CSMD1: variants seen among roughly 807,000 people sequenced by gnomAD.
CSMD1 encodes the protein CUB and sushi domain-containing protein 1.
In CSMD1, 213 loss-of-function variants were observed where a neutral mutation model predicts 417.5. The ratio of observed to expected loss-of-function variants is 0.51; its 90% CI spans 0.46 to 0.57. The LOEUF (loss-of-function observed/expected upper bound fraction) is 0.57. CSMD1 is among the 20% of genes least tolerant of loss of function. The pLI is 0.00. For missense variants in CSMD1, 6,923 were observed against 4,529.7 expected (o/e 1.53, Z -15.17); for synonymous variants, 2,862 against 1,736.8 (o/e 1.65, Z -16.11).
chr8:4,866,360 A>T (rs771816362), intron 1 of CSMD1, among the ~76,000 whole-genome samples: 1 of 151,978 alleles, frequency 6.6e-6, no homozygotes, highest in Non-Finnish European at 1.5e-5. Flanking sequence ...CAAAAATAAC[A>T]ACTACTGTCT....
At chr8:3,086,028 T>C (rs1356145509) in intron 49 of CSMD1, among the ~76,000 whole-genome samples, 1 of 152,150 alleles carries the variant, frequency 6.6e-6, no homozygotes, top group African/African-American at 2.4e-5. Flanking sequence ...TGTGGTTCTG[T>C]CATTAGCCAG....
chr8:4,925,417 T>C (rs1474952110), intron 1 of CSMD1, among the ~76,000 whole-genome samples: 1 of 152,054 alleles, frequency 6.6e-6, no homozygotes, highest in Non-Finnish European at 1.5e-5. Context: ...ATCTAAAATA[T>C]ACCTTTCCTA....
At chr8:4,298,421 G>A (rs535252588) in intron 3 of CSMD1, among the ~76,000 whole-genome samples, 47 of 152,106 alleles carry the variant, frequency 3.1e-4, no homozygotes, top group Non-Finnish European at 6.0e-4. Flanking sequence ...ACACTAGACT[G>A]TTATACAAAG....
At chr8:4,063,096 C>T (rs1563073351) in intron 3 of CSMD1, among the ~76,000 whole-genome samples, 1 of 152,060 alleles carries the variant, frequency 6.6e-6, no homozygotes, top group Non-Finnish European at 1.5e-5. Flanking sequence ...TGTTTGATAG[C>T]ACTGTAAGTT....
chr8:4,961,312 C>A (rs1055997320), intron 1 of CSMD1, among the ~76,000 whole-genome samples: 2 of 152,094 alleles, frequency 1.3e-5, no homozygotes, highest in South Asian at 4.1e-4. Flanking sequence ...ATTATTCCAC[C>A]GAAGACCTCA....
chr8:4,097,165 C>T lies in CSMD1; in HGVS notation c.416-65066G>A, dbSNP rs1198295637. Among the ~76,000 whole-genome samples, 4 of 152,076 alleles carry T rather than the reference C, an allele frequency of 2.6e-5. No individual in the cohort carries two copies. In the South Asian group the frequency reaches 8.3e-4, roughly 32 times the overall value. On this transcript the variant is annotated intron_variant, in intron 3 of 69. Coordinates refer to ENST00000635120, the MANE Select transcript of CSMD1 (RefSeq NM_033225.6). ...GTTCATTTCTTTCTGTCATGCTTAC[C>T]ATTATATATGCTCAATAAGCAATTG...
At chr8:4,092,330 G>A (rs1438848193) in intron 3 of CSMD1, among the ~76,000 whole-genome samples, 3 of 152,186 alleles carry the variant, frequency 2.0e-5, no homozygotes, top group Admixed American at 2.0e-4. Context: ...TCCTGTGTCT[G>A]ATGCTCCAGG....
intron 2 of CSMD1, among the ~76,000 whole-genome samples, chr8:4,609,958 C>T (rs1307786385): frequency 1.3e-5 from 2 of 152,044 alleles, no homozygotes; most frequent in Non-Finnish European, 2.9e-5. Flanking sequence ...TATTAAACTA[C>T]CTAATTGGTA....
intron 55 of CSMD1, among the ~76,000 whole-genome samples, chr8:2,975,292 T>C (rs1015632235): frequency 3.9e-5 from 6 of 152,192 alleles, no homozygotes; most frequent in African/African-American, 1.4e-4. Flanking sequence ...AGGCAAACTC[T>C]GTAATCCAGA....
chr8:3,909,452 G>A (rs1007945323), intron 5 of CSMD1, among the ~76,000 whole-genome samples: 2 of 152,086 alleles, frequency 1.3e-5, no homozygotes, highest in Non-Finnish European at 2.9e-5. Flanking sequence ...CAGAACACAC[G>A]GCGTGCTCCT....
At chr8:4,199,564 C>A (rs938447279) in intron 3 of CSMD1, among the ~76,000 whole-genome samples, 1 of 152,154 alleles carries the variant, frequency 6.6e-6, no homozygotes, top group Non-Finnish European at 1.5e-5. Context: ...ACCAAAGGAG[C>A]TACCGGACAA....
chr8:3,070,694 G>T (rs972875567), intron 49 of CSMD1, among the ~76,000 whole-genome samples: 1 of 152,162 alleles, frequency 6.6e-6, no homozygotes, highest in Non-Finnish European at 1.5e-5. Context: ...TATTTACCCA[G>T]TCTCTAAGAA....
At chr8:3,966,907 G>C (rs750661550) in intron 5 of CSMD1, among the ~76,000 whole-genome samples, 1 of 152,196 alleles carries the variant, frequency 6.6e-6, no homozygotes, top group South Asian at 2.1e-4. Context: ...TGACTTGAAT[G>C]CCGATGAATT....
chr8:4,264,695 G>A (rs948365186), intron 3 of CSMD1, among the ~76,000 whole-genome samples: 2 of 152,162 alleles, frequency 1.3e-5, no homozygotes, highest in African/African-American at 2.4e-5. Context: ...AAGGGGAACA[G>A]GGCCTTAAAA....
At chr8:4,376,245 A>G (rs56246320) in intron 3 of CSMD1, among the ~76,000 whole-genome samples, 1,722 of 152,308 alleles carry the variant, frequency 0.011, 16 homozygotes, top group Non-Finnish European at 0.019. Context: ...CTATTTGACA[A>G]TACTGATAGC....
chr8:4,481,674 T>A (rs147699197), intron 2 of CSMD1, among the ~76,000 whole-genome samples: 4,377 of 152,298 alleles, frequency 0.029, 87 homozygotes, highest in South Asian at 0.056. Context: ...ACAGACCTTG[T>A]AAATGCTTCA....
rs926716617 is a variant in CSMD1, at chr8:3,726,506, C to T, written c.932-18015G>A. Reference sequence around the variant, plus strand: ...CTTTAAACCAGAGATGAGAGGCCAACTCTGAACACCTTTATTCTCTTGCAT... The same window carrying T: ...CTTTAAACCAGAGATGAGAGGCCAATTCTGAACACCTTTATTCTCTTGCAT... On this transcript the variant is annotated intron_variant, in intron 6 of 69. Coordinates refer to ENST00000635120, the MANE Select transcript of CSMD1 (RefSeq NM_033225.6). Among the ~76,000 whole-genome samples the T allele has an allele frequency of 3.9e-5, 6 of 152,194 alleles. No homozygotes were observed. In the East Asian group the frequency reaches 5.8e-4, roughly 15 times the overall value.
chr8:4,409,753 A>G (rs949861432), intron 3 of CSMD1, among the ~76,000 whole-genome samples: 3 of 152,104 alleles, frequency 2.0e-5, no homozygotes, highest in East Asian at 1.9e-4. Flanking sequence ...AGCACAGGGC[A>G]TAACTGTTCC....
intron 7 of CSMD1, among the ~76,000 whole-genome samples, chr8:3,705,589 T>C (rs1801123403): frequency 6.6e-6 from 1 of 152,004 alleles, no homozygotes; most frequent in Non-Finnish European, 1.5e-5. Context: ...GAATAAAAAA[T>C]ACTAAGATGG....
Sources: allele counts gnomAD v4.1 joint callset (sites outside exome capture counted in the v4.1 genomes callset), GRCh38; gene constraint gnomAD v4.1.1; transcripts MANE v1.5; gene names NCBI Gene and HGNC (gene_info 2026-07-23, HGNC 2026-07-21).